The following ERC1 variants were observed in gnomAD, a reference collection of about 807,000 sequenced individuals.
The protein encoded by ERC1 is ELKS/RAB6-interacting/CAST family member 1.
Under a neutral mutation model 132.0 loss-of-function variants are expected in ERC1, and 56 were observed. The observed-to-expected ratio is 0.42, with a 90% CI of 0.34 to 0.53. The LOEUF (loss-of-function observed/expected upper bound fraction) is 0.53, where lower values mean the gene tolerates loss of function less well. Ranked by LOEUF, ERC1 falls within the 20% of genes least tolerant of loss-of-function variation. ERC1 has a pLI of 0.03. For synonymous variants in ERC1, 478 were observed against 476.1 expected (o/e 1.00, Z -0.05); for missense variants, 1,202 against 1,349.9 (o/e 0.89, Z 1.72).
intron 15 of ERC1, among the ~76,000 whole-genome samples, chr12:1,354,429 A>G (rs906682215): frequency 3.3e-5 from 5 of 152,014 alleles, no homozygotes; most frequent in African/African-American, 1.2e-4. Flanking sequence ...AGGCTGAGGC[A>G]GGAGAATCAT....
At chr12:1,103,808 G>A (rs1944938590) in intron 3 of ERC1, among the ~76,000 whole-genome samples, 1 of 152,184 alleles carries the variant, frequency 6.6e-6, no homozygotes, top group African/African-American at 2.4e-5. Flanking sequence ...AAAGTGCTGG[G>A]ATTACAGGTA....
At chr12:1,272,368 T>A (rs1400436726) in intron 14 of ERC1, among the ~76,000 whole-genome samples, 2 of 152,182 alleles carry the variant, frequency 1.3e-5, no homozygotes, top group Non-Finnish European at 2.9e-5. Context: ...CCCTGTCTGG[T>A]TGATTCAGCA....
At position 1,103,586 on chromosome 12, in the gene ERC1, G is replaced by A. The variant is rs1944913088; in HGVS notation, c.1087-1164G>A. ...ATGGCAAGAAGTGCTTGGATTTTGGGTATGTTTTGAAGCTAGAGCTAACTG... is the reference window on the plus strand; with the variant it reads ...ATGGCAAGAAGTGCTTGGATTTTGGATATGTTTTGAAGCTAGAGCTAACTG... On this transcript the variant is annotated intron_variant, in intron 3 of 18. Coordinates refer to ENST00000360905, the MANE Select transcript of ERC1 (RefSeq NM_178040.4). 2.0e-5 allele frequency among the ~76,000 whole-genome samples: 3 copies of A among 152,152 alleles called. No individual in the cohort carries two copies. In the South Asian group the frequency reaches 6.2e-4, roughly 32 times the overall value.
At chr12:1,023,870 A>C (rs1421837519) in intron 1 of ERC1, among the ~76,000 whole-genome samples, 1 of 152,214 alleles carries the variant, frequency 6.6e-6, no homozygotes, top group East Asian at 1.9e-4. Context: ...GTGTTCATTA[A>C]CTAAGGTTTC....
intron 12 of ERC1, among the ~76,000 whole-genome samples, chr12:1,203,649 C>A (rs1957111168): frequency 6.6e-6 from 1 of 152,204 alleles, no homozygotes; most frequent in African/African-American, 2.4e-5. Flanking sequence ...TGAAGCTAAT[C>A]CAGATGATAC....
At chr12:1,281,405 T>C (rs2078670205) in intron 14 of ERC1, among the ~76,000 whole-genome samples, 1 of 152,314 alleles carries the variant, frequency 6.6e-6, no homozygotes. Context: ...TCATTCCACC[T>C]CTATTCATAT....
At chr12:1,126,497 G>A (rs976660323) in intron 7 of ERC1, among the ~76,000 whole-genome samples, 3 of 152,162 alleles carry the variant, frequency 2.0e-5, no homozygotes, top group African/African-American at 7.2e-5. Flanking sequence ...AAAGACCTCA[G>A]TGTTAAAGAG....
intron 12 of ERC1, among the ~76,000 whole-genome samples, chr12:1,220,424 A>T (rs561271779): frequency 7.9e-5 from 12 of 152,360 alleles, no homozygotes; most frequent in Non-Finnish European, 1.5e-4. Flanking sequence ...TTTCTGAAAA[A>T]GTTGACAGTT....
chr12:1,357,090 A>G lies in ERC1; in HGVS notation c.2781-14743A>G, dbSNP rs541899252. On this transcript the variant is annotated intron_variant, in intron 15 of 18. Transcript: ENST00000360905. ...GCTTTCATAAGCTTCCTATACAGCT[A>G]TAGGAGTATATCTCGGATACTTACG... 1.2e-4 allele frequency among the ~76,000 whole-genome samples: 19 copies of G among 152,294 alleles called. 1 individual carries two copies. The highest frequency in any genetic ancestry group is 4.6e-4 in the African/African-American group (19 of 41,570).
chr12:1,284,724 G>T (rs569773064), intron 14 of ERC1, among the ~76,000 whole-genome samples: 2 of 152,106 alleles, frequency 1.3e-5, no homozygotes, highest in Non-Finnish European at 2.9e-5. Context: ...AGGCTGGAGC[G>T]CAGTGGTGTG....
intron 12 of ERC1, among the ~76,000 whole-genome samples, chr12:1,234,810 A>C (rs1237859780): frequency 1.3e-5 from 2 of 152,250 alleles, no homozygotes; most frequent in Admixed American, 1.3e-4. Context: ...GTGGCAATGC[A>C]TGTAAATATT....
chr12:1,360,154 C>T (rs112082671), intron 15 of ERC1, among the ~76,000 whole-genome samples: 1,728 of 152,176 alleles, frequency 0.011, 31 homozygotes, highest in African/African-American at 0.038. Context: ...AATTTCTCTT[C>T]TGATTTTTAA....
At chr12:1,376,793 A>G (rs985034804) in intron 16 of ERC1, among the ~76,000 whole-genome samples, 5 of 152,246 alleles carry the variant, frequency 3.3e-5, no homozygotes, top group Non-Finnish European at 7.3e-5. Flanking sequence ...CCTGAGACAC[A>G]GAAAAGGGGA....
chr12:1,154,800 A>G (rs1951210819), intron 8 of ERC1, among the ~76,000 whole-genome samples: 1 of 152,168 alleles, frequency 6.6e-6, no homozygotes, highest in Non-Finnish European at 1.5e-5. Flanking sequence ...AAAATGTATG[A>G]AAAAATGCTC....
rs1331782509 is a variant in ERC1, at chr12:1,385,042, A to G, written c.2925+13065A>G. On this transcript the variant is annotated intron_variant, in intron 16 of 18. Coordinates refer to ENST00000360905, the MANE Select transcript of ERC1 (RefSeq NM_178040.4). ...ACATATGCACTTTACGAGTACACCC[A>G]AAGTGCACACCTGGAAACAAACACC... is the stretch of plus-strand genomic sequence containing the variant. Among the ~76,000 whole-genome samples the G allele has an allele frequency of 2.0e-5, 3 of 152,236 alleles. No homozygotes were observed. In the East Asian group the frequency reaches 5.8e-4, roughly 29 times the overall value.
chr12:1,001,897 G>A (rs1393322856), intron 1 of ERC1, among the ~76,000 whole-genome samples: 2 of 118,172 alleles, frequency 1.7e-5, no homozygotes, highest in African/African-American at 6.8e-5. Context: ...GTCTCGCTCT[G>A]TTGCCCAGGC....
At chr12:1,250,986 G>A (rs573240278) in intron 13 of ERC1, among the ~76,000 whole-genome samples, 139 of 152,218 alleles carry the variant, frequency 9.1e-4, no homozygotes, top group African/African-American at 2.6e-3. Flanking sequence ...AAATAGAGCC[G>A]GGGAAAATCA....
intron 17 of ERC1, among the ~76,000 whole-genome samples, chr12:1,412,057 C>A (rs547731426): frequency 6.6e-6 from 1 of 152,284 alleles, no homozygotes; most frequent in Admixed American, 6.5e-5. Flanking sequence ...TTGCAATTAG[C>A]CAGCCATAAC....
At chr12:1,078,263 G>A in intron 2 of ERC1, among the ~76,000 whole-genome samples, 1 of 152,162 alleles carries the variant, frequency 6.6e-6, no homozygotes, top group African/African-American at 2.4e-5. Flanking sequence ...TCACTCAGGA[G>A]TGTCAGGATT....
Sources: gnomAD v4.1 joint callset for allele counts (sites outside exome capture counted in the v4.1 genomes callset) on GRCh38, gnomAD v4.1.1 for gene constraint, MANE v1.5 for transcripts, NCBI Gene and HGNC (gene_info 2026-07-23, HGNC 2026-07-21) for gene names.